SFXN5: variants seen among roughly 807,000 people sequenced by gnomAD.
SFXN5 encodes sideroflexin-5.
SFXN5 carries 43 observed loss-of-function variants against 50.2 expected under a neutral mutation model. The observed-to-expected ratio is 0.86, with a 90% CI of 0.67 to 1.11. The LOEUF (loss-of-function observed/expected upper bound fraction) is 1.11, where lower values mean the gene tolerates loss of function less well. SFXN5 is among the 50% of genes least tolerant of loss of function. The probability of loss-of-function intolerance (pLI) is 0.00; values close to 1 mark genes in which losing one functional copy is unlikely to be tolerated. For synonymous variants in SFXN5, 203 were observed against 185.8 expected, an observed-to-expected ratio of 1.09 and a Z score of -0.75; for missense variants, 463 against 454.1, an observed-to-expected ratio of 1.02 and a Z score of -0.18.
chr2:73,014,063 A>G (rs181144535), intron 6 of SFXN5, among the ~76,000 whole-genome samples: 1 of 152,136 alleles, frequency 6.6e-6, no homozygotes, highest in African/African-American at 2.4e-5. Context: ...ATTTATCCAT[A>G]TTCATAAATG....
intron 8 of SFXN5, 27 bp downstream of exon 8, chr2:73,000,404 C>T (rs1477360557): frequency 6.4e-7 from 1 of 1,552,064 alleles, no homozygotes; most frequent in South Asian, 1.2e-5. Flanking sequence ...TGAACCCCAC[C>T]ACTGGGGAGA....
chr2:72,948,098 C>T (rs1395310347), intron 13 of SFXN5, among the ~76,000 whole-genome samples: 3 of 152,214 alleles, frequency 2.0e-5, no homozygotes, highest in South Asian at 2.1e-4. Context: ...CATAACCCTT[C>T]GGGAAAGCTG....
intron 6 of SFXN5, among the ~76,000 whole-genome samples, chr2:73,010,164 A>C (rs1367104520): frequency 6.6e-6 from 1 of 152,236 alleles, no homozygotes; most frequent in Non-Finnish European, 1.5e-5. Context: ...TCTTACTAAT[A>C]GAATCCTTAT....
intron 12 of SFXN5, among the ~76,000 whole-genome samples, chr2:72,964,953 T>A (rs1573972414): frequency 1.3e-5 from 2 of 152,338 alleles, no homozygotes; most frequent in South Asian, 4.1e-4. Flanking sequence ...GCACGGTCTC[T>A]GGCTAGGGCT....
In SFXN5 at chr2:73,040,877, G is replaced by T. The variant is rs372326606; in HGVS notation, c.226C>A (p.Arg76Ser). 35 of 1,612,178 alleles carry T rather than the reference G, an allele frequency of 2.2e-5. No individual in the cohort carries two copies. Among genetic ancestry groups the T allele is most frequent in the Middle Eastern group, 3.3e-4 (2 of 6,080 alleles). Residue 76 changes from arginine to serine, a missense_variant, in exon 3 of 14, where the codon CGC (arginine) becomes AGC (serine). Arg to Ser is a moderately radical substitution (Grantham distance 110). Coordinates refer to ENST00000272433, the MANE Select transcript of SFXN5 (RefSeq NM_144579.3). Reference protein sequence around the residue: ...LLEDYKHGTLRPGVTNEQLWS... With the variant: ...LLEDYKHGTLSPGVTNEQLWS... ...ACCTGTTCATTGGTGACCCCCGGGC[G>T]CAGGGTCCCATGCTTATAGTCCTCC...
intron 10 of SFXN5, among the ~76,000 whole-genome samples, chr2:72,979,309 C>T (rs533344032): frequency 1.3e-4 from 20 of 152,210 alleles, no homozygotes; most frequent in Admixed American, 3.9e-4. Flanking sequence ...TCTATTTCTT[C>T]AATTTTCTAT....
intron 1 of SFXN5, among the ~76,000 whole-genome samples, chr2:73,065,587 G>A (rs752972933): frequency 1.6e-4 from 25 of 152,130 alleles, no homozygotes; most frequent in Admixed American, 3.3e-4. Context: ...TGTAGAGACA[G>A]GGTTTTGCCA....
chr2:73,055,561 G>C (rs1488284280), intron 2 of SFXN5, among the ~76,000 whole-genome samples: 2 of 151,754 alleles, frequency 1.3e-5, no homozygotes, highest in Non-Finnish European at 2.9e-5. Flanking sequence ...CAGCAATCTG[G>C]TAGGCTGAGA....
intron 10 of SFXN5, among the ~76,000 whole-genome samples, chr2:72,980,642 G>T (rs922751981): frequency 7.2e-5 from 11 of 152,196 alleles, no homozygotes; most frequent in Admixed American, 6.5e-5. Context: ...GGCTGACTCG[G>T]AAGTTTGGAA....
intron 2 of SFXN5, among the ~76,000 whole-genome samples, chr2:73,057,221 C>T (rs1559215928): frequency 6.6e-6 from 1 of 152,120 alleles, no homozygotes; most frequent in Non-Finnish European, 1.5e-5. Flanking sequence ...TCACTGCAGC[C>T]TCAACTTCTC....
Position 72,953,391 on chromosome 2 carries a change from A to AG in SFXN5, c.945+7739dup, listed in dbSNP as rs1362438071. Among the ~76,000 whole-genome samples the AG allele has an allele frequency of 6.6e-6, 1 of 152,206 alleles. No individual in the cohort carries two copies. The highest frequency in any genetic ancestry group is 1.5e-5 in the Non-Finnish European group (1 of 68,038). ...GATGGATTTGAGACTGGAGGGAAGG[A>AG]GGCCCCTGCTCTGGGAGACGCTGAA... On this transcript the variant is annotated intron_variant, in intron 13 of 13. Coordinates refer to ENST00000272433, the MANE Select transcript of SFXN5 (RefSeq NM_144579.3). This position sits in a 1 kb window ranked among gnomAD's most constrained non-coding sequence, Gnocchi z 4.1.
Position 72,945,719 on chromosome 2 carries a change from C to T in SFXN5, c.946-620G>A, listed in dbSNP as rs1015736143. On this transcript the variant is annotated intron_variant, in intron 13 of 13. Transcript: ENST00000272433. This position sits in a 1 kb window ranked among gnomAD's most constrained non-coding sequence, Gnocchi z 5.8. Reference sequence around the variant, plus strand: ...CACGCTGCTGGCAGAAGCCCTGCTTCGGAGAACCCCACCATGCACCCCACT... The same window carrying T: ...CACGCTGCTGGCAGAAGCCCTGCTTTGGAGAACCCCACCATGCACCCCACT... Among the ~76,000 whole-genome samples the T allele has an allele frequency of 3.3e-5, 5 of 152,090 alleles. No homozygotes were observed. Among genetic ancestry groups the T allele is most frequent in the African/African-American group, 7.2e-5 (3 of 41,416 alleles).
Position 72,961,190 on chromosome 2 carries a change from G to C in SFXN5, c.886C>G (p.Leu296Val). 6.4e-7 allele frequency: 1 copy of C among 1,567,184 alleles called. No individual in the cohort carries two copies. The highest frequency in any genetic ancestry group is 8.6e-7 in the Non-Finnish European group (1 of 1,161,452). ...LLLPVQSLVC[L>V]AAFGLALPLA... is the part of the protein sequence containing the mutation. ...GGCAGGGCCAGGCCGAAGGCTGCCA[G>C]GCACACGAGGCTTTGCACAGGGAGG... The change falls in exon 13 of 14, where the codon CTG (leucine) becomes GTG (valine). Residue 296 changes from leucine to valine, a missense_variant. Leu to Val is a conservative substitution (Grantham distance 32). Transcript: ENST00000272433. This position sits in a 1 kb window ranked among gnomAD's most constrained non-coding sequence, Gnocchi z 4.4.
chr2:73,054,527 G>A (rs936336147), intron 2 of SFXN5, among the ~76,000 whole-genome samples: 47 of 152,142 alleles, frequency 3.1e-4, no homozygotes, highest in Non-Finnish European at 5.3e-4. Flanking sequence ...GAGAATGGGA[G>A]GAGGAGGGAC....
intron 6 of SFXN5, among the ~76,000 whole-genome samples, chr2:73,015,326 A>C (rs952109526): frequency 2.6e-5 from 4 of 152,180 alleles, no homozygotes; most frequent in African/African-American, 9.6e-5. Context: ...ACTTTGATGC[A>C]TTGCTGGAAT....
chr2:73,023,359 T>C (rs1232897944), intron 3 of SFXN5, 145 bp from the exon 4 acceptor site: 1 of 741,926 alleles, frequency 1.3e-6, no homozygotes, highest in Admixed American at 2.6e-5. Context: ...CAGCCCAGGC[T>C]GGGCAGCTGT....
chr2:72,945,213 G>T lies in SFXN5; in HGVS notation c.946-114C>A. Reference sequence around the variant, plus strand: ...CCAGAGCTCTGCCCCCTGCACCCCCGTGTCCACCCCAGCCAGGGCTCACAT... The same window carrying T: ...CCAGAGCTCTGCCCCCTGCACCCCCTTGTCCACCCCAGCCAGGGCTCACAT... On this transcript the variant is annotated intron_variant, in intron 13 of 13. Transcript: ENST00000272433. The surrounding 1 kb of genome is among the most constrained non-coding windows in gnomAD (Gnocchi z 5.8). 2.1e-6 allele frequency: 2 copies of T among 935,186 alleles called. No homozygotes were observed. The highest frequency in any genetic ancestry group is 1.7e-6 in the Non-Finnish European group (1 of 598,826). 57.9% of individuals were successfully genotyped at this position (935,186 alleles called of 1,614,324 possible). A position where few individuals can be genotyped will look rare whatever the true frequency, so the allele number is the denominator to read the frequency against.
At chr2:72,989,398 T>C (rs936471999) in intron 9 of SFXN5, among the ~76,000 whole-genome samples, 16 of 152,126 alleles carry the variant, frequency 1.1e-4, no homozygotes, top group African/African-American at 3.9e-4. Flanking sequence ...TAAAAAGGGA[T>C]AGTAATACCT....
intron 13 of SFXN5, among the ~76,000 whole-genome samples, chr2:72,946,126 C>T (rs1671905147): frequency 6.6e-6 from 1 of 151,340 alleles, no homozygotes; most frequent in African/African-American, 2.4e-5. Context: ...GGCTCCACCT[C>T]CCCTGCCCAC....
Sources: gnomAD v4.1 joint callset for allele counts (sites outside exome capture counted in the v4.1 genomes callset) on GRCh38, gnomAD v4.1.1 for gene constraint, Gnocchi (gnomAD v3.1) non-coding constraint, MANE v1.5 for transcripts, NCBI Gene and HGNC (gene_info 2026-07-23, HGNC 2026-07-21) for gene names.